The following PARVA variants were observed in gnomAD, a reference collection of about 807,000 sequenced individuals.
PARVA encodes the protein alpha-parvin.
A neutral mutation model predicts 52.6 loss-of-function variants in PARVA; 25 were observed. The observed-to-expected ratio is 0.48, with a 90% CI of 0.35 to 0.66. The LOEUF (loss-of-function observed/expected upper bound fraction) is 0.66. Ranked by LOEUF, PARVA falls within the 30% of genes least tolerant of loss-of-function variation. The pLI, the probability that PARVA is intolerant of heterozygous loss-of-function variation, is 0.01. For synonymous variants in PARVA, 185 were observed against 179.1 expected, an observed-to-expected ratio of 1.03 and a Z score of -0.26; for missense variants, 373 against 450.9, an observed-to-expected ratio of 0.83 and a Z score of 1.56.
intron 1 of PARVA, among the ~76,000 whole-genome samples, chr11:12,403,740 G>T (rs1939862333): frequency 6.6e-6 from 1 of 152,198 alleles, no homozygotes; most frequent in African/African-American, 2.4e-5. Context: ...CTAATGTCTA[G>T]GGTTAGTTTA....
intron 10 of PARVA, among the ~76,000 whole-genome samples, chr11:12,517,220 C>T (rs1415633598): frequency 6.6e-6 from 1 of 152,052 alleles, no homozygotes; most frequent in Non-Finnish European, 1.5e-5. Flanking sequence ...CAGCGAGCTT[C>T]CTTCCATCAG....
chr11:12,410,644 G>A (rs1939980490), intron 1 of PARVA, among the ~76,000 whole-genome samples: 1 of 152,132 alleles, frequency 6.6e-6, no homozygotes, highest in African/African-American at 2.4e-5. Flanking sequence ...CAGTGCCTAC[G>A]CCAGCCCATC....
chr11:12,502,392 G>A (rs1452862177), intron 5 of PARVA, among the ~76,000 whole-genome samples: 3 of 151,274 alleles, frequency 2.0e-5, no homozygotes, highest in Non-Finnish European at 2.9e-5. Flanking sequence ...TAGTGCATGC[G>A]AAGTACACAA....
At chr11:12,449,032 C>G (rs1180046016) in intron 1 of PARVA, among the ~76,000 whole-genome samples, 1 of 151,998 alleles carries the variant, frequency 6.6e-6, no homozygotes, top group African/African-American at 2.4e-5. Context: ...ATAATATTCA[C>G]TATATTATAG....
At chr11:12,517,464 C>G in intron 10 of PARVA, 146 bp from the exon 11 acceptor site, 3 of 650,030 alleles carry the variant, frequency 4.6e-6, no homozygotes, top group Non-Finnish European at 8.3e-6. Flanking sequence ...ACCTCCTTGT[C>G]TCGGGCCACT....
intron 1 of PARVA, among the ~76,000 whole-genome samples, chr11:12,459,569 G>C (rs945564356): frequency 2.6e-5 from 4 of 152,102 alleles, no homozygotes; most frequent in African/African-American, 9.7e-5. Context: ...TGACCCAACT[G>C]TCCCCTTCCA....
At chr11:12,377,901 G>T (rs2134936908) in intron 1 of PARVA, 118 bp downstream of exon 1, 1 of 428,614 alleles carries the variant, frequency 2.3e-6, no homozygotes, top group East Asian at 8.3e-5. Context: ...GCGGTGGGGC[G>T]CGCGGCGATG....
At chr11:12,505,968 C>A (rs1264873269) in intron 6 of PARVA, among the ~76,000 whole-genome samples, 1 of 152,144 alleles carries the variant, frequency 6.6e-6, no homozygotes. Flanking sequence ...CAAGAGTGAA[C>A]CCTAATGTCA....
chr11:12,515,979 G>A (rs1209191403), intron 10 of PARVA, among the ~76,000 whole-genome samples: 1 of 152,162 alleles, frequency 6.6e-6, no homozygotes, highest in African/African-American at 2.4e-5. Flanking sequence ...TGGGACTACA[G>A]GCATGCACCA....
chr11:12,441,397 T>C (rs969739825), intron 1 of PARVA, among the ~76,000 whole-genome samples: 3 of 152,090 alleles, frequency 2.0e-5, no homozygotes, highest in South Asian at 4.1e-4. Flanking sequence ...AGTGAGATCA[T>C]TGGTGATCCT....
upstream of PARVA, chr11:12,377,489 G>C: frequency 7.1e-7 from 1 of 1,412,196 alleles, no homozygotes; most frequent in Non-Finnish European, 9.3e-7. Flanking sequence ...AGCGAGGGAG[G>C]GAGCGAGGGA....
At chr11:12,429,923 G>A (rs547282280) in intron 1 of PARVA, among the ~76,000 whole-genome samples, 3 of 152,044 alleles carry the variant, frequency 2.0e-5, no homozygotes, top group African/African-American at 7.2e-5. Flanking sequence ...TTTGCTGATC[G>A]TATAACAGTT....
chr11:12,507,579 T>C (rs988045414), intron 6 of PARVA, among the ~76,000 whole-genome samples: 2 of 152,114 alleles, frequency 1.3e-5, no homozygotes, highest in African/African-American at 2.4e-5. Flanking sequence ...ATTCCTCCCA[T>C]TGAAATAACC....
intron 1 of PARVA, among the ~76,000 whole-genome samples, chr11:12,459,012 A>AAACT (rs1237142255): frequency 6.6e-6 from 1 of 152,132 alleles, no homozygotes; most frequent in African/African-American, 2.4e-5. Context: ...AAGCAACTCC[A>AAACT]AACTAAGACA....
At chr11:12,475,995 G>A (rs7118150) in intron 3 of PARVA, among the ~76,000 whole-genome samples, 79,754 of 152,118 alleles carry the variant, frequency 0.52, 22,086 homozygotes, top group East Asian at 0.77. Context: ...GTGGGCAAGG[G>A]TAGGGGGAAA....
chr11:12,388,118 C>G (rs1939604928), intron 1 of PARVA, among the ~76,000 whole-genome samples: 2 of 152,230 alleles, frequency 1.3e-5, no homozygotes, highest in South Asian at 4.1e-4. Flanking sequence ...CAACAAGAGT[C>G]TCCTCACTTC....
chr11:12,377,833 T>C, intron 1 of PARVA, 50 bp downstream of exon 1: 1 of 1,410,788 alleles, frequency 7.1e-7, no homozygotes, highest in Non-Finnish European at 9.3e-7. Context: ...GGGGGTGCCG[T>C]AGGGGCCGAG....
chr11:12,470,792 A>G (rs958928342), intron 1 of PARVA, among the ~76,000 whole-genome samples: 1 of 152,178 alleles, frequency 6.6e-6, no homozygotes, highest in Non-Finnish European at 1.5e-5. Flanking sequence ...AAGTCACAAG[A>G]AAGCTTGAAG....
intron 1 of PARVA, among the ~76,000 whole-genome samples, chr11:12,460,283 G>T (rs1940759701): frequency 6.6e-6 from 1 of 152,134 alleles, no homozygotes; most frequent in Non-Finnish European, 1.5e-5. Context: ...GCTGGCTCAG[G>T]ATCAAACCTT....
Sources: gnomAD v4.1 joint callset for allele counts (sites outside exome capture counted in the v4.1 genomes callset) on GRCh38, gnomAD v4.1.1 for gene constraint, MANE v1.5 for transcripts, NCBI Gene and HGNC (gene_info 2026-07-23, HGNC 2026-07-21) for gene names.